The following ALDH1A1 variants were observed in gnomAD, a reference collection of about 807,000 sequenced individuals.
The protein encoded by ALDH1A1 is aldehyde dehydrogenase 1A1.
In ALDH1A1, 19 loss-of-function variants were observed where a neutral mutation model predicts 62.1. The ratio of observed to expected loss-of-function variants is 0.31; its 90% confidence interval spans 0.21 to 0.45. ALDH1A1 has a LOEUF of 0.45. Ranked by LOEUF, ALDH1A1 falls within the 20% of genes least tolerant of loss-of-function variation. ALDH1A1 has a pLI of 1.00. For synonymous variants in ALDH1A1, 231 were observed against 215.9 expected, an observed-to-expected ratio of 1.07 and a Z score of -0.61; for missense variants, 521 against 607.1, an observed-to-expected ratio of 0.86 and a Z score of 1.49.
chr9:72,924,061 A>G lies in ALDH1A1; in HGVS notation c.705T>C (p.Ser235=), dbSNP rs1830174914. 1 of 1,613,300 alleles carries G rather than the reference A, an allele frequency of 6.2e-7. No homozygotes were observed. Among genetic ancestry groups the G allele is most frequent in the African/African-American group, 1.3e-5 (1 of 74,968 alleles). ...AGGCTACTTTGTCTATATCCATGTGAGAAGAAATGGCTGCCCCTGCTGTAG... is the reference window on the plus strand; with the variant it reads ...AGGCTACTTTGTCTATATCCATGTGGGAAGAAATGGCTGCCCCTGCTGTAG... The part of the protein sequence containing the change: ...YGPTAGAAIS[S]HMDIDKVAFT... Residue 235 remains serine, a synonymous_variant, in exon 7 of 13, where the codon TCT becomes TCC. Transcript: ENST00000297785.
chr9:72,904,582 T>C (rs1387741289), intron 12 of ALDH1A1, among the ~76,000 whole-genome samples: 1 of 152,144 alleles, frequency 6.6e-6, no homozygotes, highest in East Asian at 1.9e-4. Context: ...TTTCAACCAC[T>C]GGATTTCCAG....
intron 9 of ALDH1A1, among the ~76,000 whole-genome samples, chr9:72,913,508 G>A (rs1830017741): frequency 6.6e-6 from 1 of 152,112 alleles, no homozygotes; most frequent in Non-Finnish European, 1.5e-5. Context: ...TCCACATAAA[G>A]CTTTCTGTCT....
At chr9:72,951,254 A>G (rs919934285) in intron 1 of ALDH1A1, among the ~76,000 whole-genome samples, 1 of 151,874 alleles carries the variant, frequency 6.6e-6, no homozygotes, top group African/African-American at 2.4e-5. Flanking sequence ...TCTCAAAATC[A>G]TCTCTCTGTG....
chr9:72,907,088 C>G (rs1374852769), intron 11 of ALDH1A1, among the ~76,000 whole-genome samples: 1 of 152,198 alleles, frequency 6.6e-6, no homozygotes, highest in Non-Finnish European at 1.5e-5. Flanking sequence ...AGATAATATT[C>G]AGATGTTTTC....
chr9:72,942,743 CA>C (rs1265424144), intron 1 of ALDH1A1, among the ~76,000 whole-genome samples: 1 of 152,104 alleles, frequency 6.6e-6, no homozygotes, highest in African/African-American at 2.4e-5. Flanking sequence ...TTTTTTGCAG[CA>C]TGCTTTTATT....
At chr9:72,936,140 T>C (rs147469425) in intron 2 of ALDH1A1, among the ~76,000 whole-genome samples, 3 of 152,248 alleles carry the variant, frequency 2.0e-5, no homozygotes, top group Non-Finnish European at 2.9e-5. Context: ...CCTTGATCTC[T>C]TGGGTAAGCA....
Position 72,908,457 on chromosome 9 carries a change from A to G in ALDH1A1, c.1358+1145T>C, listed in dbSNP as rs3970137. Among the ~76,000 whole-genome samples, 2 of 131,736 alleles carry G rather than the reference A, an allele frequency of 1.5e-5. 1 individual carries two copies. Among genetic ancestry groups the G allele is most frequent in the Admixed American group, 1.6e-4 (2 of 12,182 alleles). The allele number at this position is 131,736 out of a possible 152,430, so 86.4% of individuals were successfully genotyped here. A position where few individuals can be genotyped will look rare whatever the true frequency, so the allele number is the denominator to read the frequency against. The stretch of plus-strand genomic sequence containing the variant: ...CTCAAAAAAAAAAAAAAAAAAAAAA[A>G]AAAGAAGAAAGAAAAGAAAAGAGAG... On this transcript the variant is annotated intron_variant, in intron 11 of 12. Transcript: ENST00000297785.
At chr9:72,945,009 A>G (rs1004372134) in intron 1 of ALDH1A1, among the ~76,000 whole-genome samples, 4 of 152,122 alleles carry the variant, frequency 2.6e-5, no homozygotes, top group Non-Finnish European at 5.9e-5. Context: ...GAAATGCATC[A>G]TTTTACCTTT....
At chr9:72,907,475 C>T (rs147804419) in intron 11 of ALDH1A1, among the ~76,000 whole-genome samples, 1 of 152,302 alleles carries the variant, frequency 6.6e-6, no homozygotes, top group East Asian at 1.9e-4. Context: ...GATGTCATAA[C>T]AAGCTTCATC....
rs760769542 is a variant in ALDH1A1 at position 72,940,163 on chromosome 9, T to C, written c.156A>G (p.Val52=). 1.2e-6 allele frequency: 2 copies of C among 1,612,740 alleles called. No homozygotes were observed. The highest frequency in any genetic ancestry group is 1.1e-5 in the South Asian group (1 of 91,052). ...AGAAACTCACCTTATCTCCTTCTTC[T>C]ACCTGGCAGAGCTCCTCCTCAGTTG... ...NPATEEELCQ[V]EEGDKEDVDK... The change falls in exon 2 of 13, where the codon GTA becomes GTG. Residue 52 remains valine (V), a synonymous_variant. Coordinates refer to ENST00000297785, the MANE Select transcript of ALDH1A1 (RefSeq NM_000689.5).
intron 9 of ALDH1A1, among the ~76,000 whole-genome samples, chr9:72,916,246 G>A (rs1475245119): frequency 6.6e-6 from 1 of 152,136 alleles, no homozygotes; most frequent in Non-Finnish European, 1.5e-5. Flanking sequence ...CAAAGGGCAG[G>A]AAGAAATTCA....
At chr9:72,918,857 C>T (rs764203123) in intron 7 of ALDH1A1, 35 bp from the exon 8 acceptor site, 4 of 1,495,392 alleles carry the variant, frequency 2.7e-6, no homozygotes, top group South Asian at 2.3e-5. Flanking sequence ...GAGGCTTACC[C>T]TGCTCTCATG....
At chr9:72,944,599 T>C (rs1489109245) in intron 1 of ALDH1A1, among the ~76,000 whole-genome samples, 1 of 152,114 alleles carries the variant, frequency 6.6e-6, no homozygotes, top group Non-Finnish European at 1.5e-5. Flanking sequence ...TATGGAGAAG[T>C]CTAGGCTAAT....
At chr9:72,921,505 TTTTTTTTTTTTTTTTCA>T (rs1221497532) in intron 7 of ALDH1A1, among the ~76,000 whole-genome samples, 7 of 28,250 alleles carry the variant, frequency 2.5e-4, no homozygotes, top group Non-Finnish European at 3.9e-4. Flanking sequence ...ATTTAATTCT[TTTTTTTTTTTTTTTTCA>T]TTTTTTTTTT....
At chr9:72,937,502 C>T (rs1830359708) in intron 2 of ALDH1A1, among the ~76,000 whole-genome samples, 1 of 152,174 alleles carries the variant, frequency 6.6e-6, no homozygotes, top group Admixed American at 6.6e-5. Context: ...ATATATTTAA[C>T]TCCTCAAGCA....
intron 10 of ALDH1A1, among the ~76,000 whole-genome samples, chr9:72,911,033 G>A (rs1339002543): frequency 6.6e-6 from 1 of 151,776 alleles, no homozygotes; most frequent in East Asian, 1.9e-4. Flanking sequence ...GTCTTATCTG[G>A]TATTAATCAA....
At chr9:72,950,749 A>G (rs371354235) in intron 1 of ALDH1A1, among the ~76,000 whole-genome samples, 24 of 152,014 alleles carry the variant, frequency 1.6e-4, no homozygotes, top group African/African-American at 5.8e-4. Context: ...ATAGTAACAG[A>G]AAAATAACAC....
At chr9:72,949,939 C>A (rs1229951787) in intron 1 of ALDH1A1, among the ~76,000 whole-genome samples, 1 of 151,542 alleles carries the variant, frequency 6.6e-6, no homozygotes, top group African/African-American at 2.4e-5. Flanking sequence ...TTTTTGATCC[C>A]TGAAATCTTG....
At chr9:72,943,381 AGTAT>A (rs1166515564) in intron 1 of ALDH1A1, among the ~76,000 whole-genome samples, 2 of 152,162 alleles carry the variant, frequency 1.3e-5, no homozygotes, top group African/African-American at 4.8e-5. Context: ...GAATTATTAC[AGTAT>A]GTATGTACCA....
Sources: gnomAD v4.1 joint callset for allele counts (sites outside exome capture counted in the v4.1 genomes callset) on GRCh38, gnomAD v4.1.1 for gene constraint, MANE v1.5 for transcripts, NCBI Gene and HGNC (gene_info 2026-07-23, HGNC 2026-07-21) for gene names.